SND1: variants seen among roughly 807,000 people sequenced by gnomAD.
The protein encoded by SND1 is staphylococcal nuclease and tudor domain containing 1, also known as staphylococcal nuclease domain-containing protein 1.
SND1 carries 38 observed loss-of-function variants against 121.7 expected under a neutral mutation model. The ratio of observed to expected loss-of-function variants is 0.31; its 90% confidence interval spans 0.24 to 0.41. The LOEUF is 0.41. Ranked by LOEUF, SND1 falls within the 10% of genes least tolerant of loss-of-function variation. The pLI is 1.00. For missense variants in SND1, 868 were observed against 1,184.6 expected (o/e 0.73, Z 3.92); for synonymous variants, 401 against 447.4 (o/e 0.90, Z 1.31).
intron 3 of SND1, among the ~76,000 whole-genome samples, chr7:127,698,198 C>G (rs886544049): frequency 2.6e-5 from 4 of 152,122 alleles, no homozygotes; most frequent in Non-Finnish European, 5.9e-5. Flanking sequence ...AAGAGAAAGT[C>G]TTTGTCAAAT....
intron 7 of SND1, 63 bp downstream of exon 7, chr7:127,703,386 A>G (rs1796137053): frequency 6.4e-7 from 1 of 1,562,144 alleles, no homozygotes; most frequent in Non-Finnish European, 8.8e-7. Flanking sequence ...TTTGAAGAAT[A>G]GGGGTTTGCT....
At chr7:128,023,871 A>G (rs1039135008) in intron 16 of SND1, among the ~76,000 whole-genome samples, 4 of 152,204 alleles carry the variant, frequency 2.6e-5, no homozygotes, top group African/African-American at 9.7e-5. Context: ...ACATACATAT[A>G]TAATTATATA....
At chr7:127,985,540 C>T (rs1802367378) in intron 15 of SND1, among the ~76,000 whole-genome samples, 1 of 152,246 alleles carries the variant, frequency 6.6e-6, no homozygotes, top group African/African-American at 2.4e-5. Flanking sequence ...TTACAGGCTT[C>T]AGCCACTGTG....
intron 1 of SND1, among the ~76,000 whole-genome samples, chr7:127,666,622 A>T (rs1020124652): frequency 6.6e-6 from 1 of 152,076 alleles, no homozygotes; most frequent in Non-Finnish European, 1.5e-5. Flanking sequence ...ACAATCACAG[A>T]GCTGCGCTTT....
intron 15 of SND1, among the ~76,000 whole-genome samples, chr7:127,959,508 C>T (rs1037351140): frequency 2.6e-5 from 4 of 152,178 alleles, no homozygotes; most frequent in African/African-American, 7.2e-5. Context: ...CTGCTCTTCC[C>T]ACTTCACTGC....
At chr7:127,661,987 G>C (rs559521562) in intron 1 of SND1, among the ~76,000 whole-genome samples, 1 of 151,916 alleles carries the variant, frequency 6.6e-6, no homozygotes, top group African/African-American at 2.4e-5. Context: ...ATGGTGGTGC[G>C]TGCCTGTAAT....
At chr7:127,885,496 G>A (rs1044594411) in intron 12 of SND1, among the ~76,000 whole-genome samples, 1 of 152,076 alleles carries the variant, frequency 6.6e-6, no homozygotes, top group Non-Finnish European at 1.5e-5. Context: ...GGCAGGGTGT[G>A]GAGTGATTTG....
chr7:127,922,278 C>T (rs1042695778), intron 14 of SND1, among the ~76,000 whole-genome samples: 8 of 133,532 alleles, frequency 6.0e-5, no homozygotes, highest in Non-Finnish European at 9.3e-5. Context: ...GTTTTTGCCT[C>T]AGGCAAAACA....
intron 15 of SND1, among the ~76,000 whole-genome samples, chr7:127,971,222 T>G (rs1801979605): frequency 6.6e-6 from 1 of 152,186 alleles, no homozygotes; most frequent in African/African-American, 2.4e-5. Context: ...ACCAACCATT[T>G]TACAAATCTT....
At position 127,696,925 on chromosome 7, in the gene SND1, A is replaced by G. The variant is rs993666537; in HGVS notation, c.350-1950A>G. On this transcript the variant is annotated intron_variant, in intron 3 of 23. Coordinates refer to ENST00000354725, the MANE Select transcript of SND1 (RefSeq NM_014390.4). ...CTTATAATCTTTCCATTTTAAAGATAAAGAAATAGTTTAATGTTTAATATT... is the reference window on the plus strand; with the variant it reads ...CTTATAATCTTTCCATTTTAAAGATGAAGAAATAGTTTAATGTTTAATATT... Among the ~76,000 whole-genome samples, 4 of 152,260 alleles carry G rather than the reference A, an allele frequency of 2.6e-5. No individual in the cohort carries two copies. The South Asian group carries it at 8.3e-4, about 31-fold the overall frequency.
intron 16 of SND1, chr7:127,997,851 T>C (rs778371449): frequency 5.6e-6 from 3 of 534,724 alleles, no homozygotes; most frequent in African/African-American, 3.8e-5. Context: ...CCTTGCTTGC[T>C]TTCCTATTCA....
intron 10 of SND1, among the ~76,000 whole-genome samples, chr7:127,762,262 C>A (rs1797318493): frequency 6.6e-6 from 1 of 152,200 alleles, no homozygotes; most frequent in Admixed American, 6.5e-5. Context: ...ATGGGTTATA[C>A]AACAGAAATT....
rs548173967 is a variant in SND1 at position 127,870,045 on chromosome 7, G to A, written c.1344-17857G>A. On this transcript the variant is annotated intron_variant, in intron 12 of 23. Coordinates refer to ENST00000354725, the MANE Select transcript of SND1 (RefSeq NM_014390.4). Reference sequence around the variant, plus strand: ...AGGCTGTCATGGTGGAAGGATGCCTGTTTTATGACTTGAGACCTGAGTTCT... The same window carrying A: ...AGGCTGTCATGGTGGAAGGATGCCTATTTTATGACTTGAGACCTGAGTTCT... Among the ~76,000 whole-genome samples, 7 of 152,298 alleles carry A rather than the reference G, an allele frequency of 4.6e-5. No individual in the cohort carries two copies. The South Asian group carries it at 1.4e-3, about 32-fold the overall frequency.
At chr7:127,833,431 AT>A (rs1798802127) in intron 11 of SND1, among the ~76,000 whole-genome samples, 2 of 151,794 alleles carry the variant, frequency 1.3e-5, no homozygotes, top group Middle Eastern at 3.4e-3. Flanking sequence ...TGCCTGGCTA[AT>A]TTTTGTATTT....
intron 10 of SND1, among the ~76,000 whole-genome samples, chr7:127,758,282 A>T (rs899462873): frequency 6.6e-6 from 1 of 152,208 alleles, no homozygotes; most frequent in African/African-American, 2.4e-5. Context: ...TCTCCTGTGG[A>T]TAGAATACCA....
intron 10 of SND1, among the ~76,000 whole-genome samples, chr7:127,744,514 T>C (rs1391913217): frequency 6.6e-6 from 1 of 152,202 alleles, no homozygotes; most frequent in Non-Finnish European, 1.5e-5. Flanking sequence ...TGGGCACTTA[T>C]TTCTGTGTTT....
At chr7:128,022,111 A>G (rs1042504007) in intron 16 of SND1, among the ~76,000 whole-genome samples, 4 of 150,090 alleles carry the variant, frequency 2.7e-5, no homozygotes, top group Admixed American at 1.3e-4. Context: ...AGCTGACGCC[A>G]GGAGAATCGC....
chr7:127,868,794 G>A (rs1268694765), intron 12 of SND1, among the ~76,000 whole-genome samples: 1 of 152,204 alleles, frequency 6.6e-6, no homozygotes, highest in African/African-American at 2.4e-5. Context: ...AATTGCACCT[G>A]TTTTCTTAGG....
At chr7:127,745,792 C>T (rs1375986907) in intron 10 of SND1, among the ~76,000 whole-genome samples, 1 of 152,178 alleles carries the variant, frequency 6.6e-6, no homozygotes, top group African/African-American at 2.4e-5. Flanking sequence ...GAACCCCTTC[C>T]CCTGAACTTC....
Sources: gnomAD v4.1 joint callset for allele counts (sites outside exome capture counted in the v4.1 genomes callset) on GRCh38, gnomAD v4.1.1 for gene constraint, MANE v1.5 for transcripts, NCBI Gene and HGNC (gene_info 2026-07-23, HGNC 2026-07-21) for gene names.